The following DACH2 variants were observed in gnomAD, a reference collection of about 807,000 sequenced individuals.
DACH2 encodes the protein dachshund homolog 2.
In DACH2, 17 loss-of-function variants were observed where a neutral mutation model predicts 35.8. That is an observed-to-expected ratio of 0.48 (90% CI 0.33 to 0.71). The LOEUF (loss-of-function observed/expected upper bound fraction) is 0.71. DACH2 is among the 30% of genes least tolerant of loss of function. The pLI, the probability that DACH2 is intolerant of heterozygous loss-of-function variation, is 0.02. For synonymous variants in DACH2, 195 were observed against 177.3 expected (o/e 1.10, Z -0.79); for missense variants, 469 against 472.7 (o/e 0.99, Z 0.07).
At chrX:86,399,194 G>A (rs1275260443) in intron 2 of DACH2, among the ~76,000 whole-genome samples, 3 of 111,500 alleles carry the variant, frequency 2.7e-5, no homozygotes, top group Non-Finnish European at 5.6e-5. Flanking sequence ...TCAGAGACTA[G>A]GATTGCAACC....
intron 6 of DACH2, among the ~76,000 whole-genome samples, chrX:86,722,809 T>G (rs1051664016): frequency 1.8e-5 from 2 of 111,609 alleles, no homozygotes; most frequent in South Asian, 7.5e-4. Context: ...TTCCTTTTAT[T>G]GTTGTGTTGT....
At chrX:86,532,399 T>A (rs1414034747) in intron 3 of DACH2, among the ~76,000 whole-genome samples, 1 of 111,159 alleles carries the variant, frequency 9.0e-6, no homozygotes, top group Non-Finnish European at 1.9e-5. Context: ...GGGAGATGAT[T>A]GGATCATGGG....
At chrX:86,335,961 G>C (rs988576976) in intron 1 of DACH2, among the ~76,000 whole-genome samples, 1 of 111,802 alleles carries the variant, frequency 8.9e-6, no homozygotes, top group African/African-American at 3.2e-5. Context: ...AGCATGAAGG[G>C]CTGTTGAATT....
chrX:86,295,421 A>T (rs4828141), intron 1 of DACH2, among the ~76,000 whole-genome samples: 6 of 111,501 alleles, frequency 5.4e-5, no homozygotes, highest in Non-Finnish European at 9.4e-5. Context: ...AGCTGTTCCT[A>T]TTCGCTCTAA....
At chrX:86,339,569 A>T (rs1465230072) in intron 1 of DACH2, among the ~76,000 whole-genome samples, 2 of 111,704 alleles carry the variant, frequency 1.8e-5, no homozygotes, top group East Asian at 5.6e-4. Context: ...TGTCTTACAG[A>T]TAAGGAACCT....
At chrX:86,708,486 A>G (rs1160488399) in intron 5 of DACH2, among the ~76,000 whole-genome samples, 1 of 111,492 alleles carries the variant, frequency 9.0e-6, no homozygotes, top group Non-Finnish European at 1.9e-5. Context: ...CTTGTATACC[A>G]ACAATGAACA....
intron 3 of DACH2, among the ~76,000 whole-genome samples, chrX:86,650,464 G>T (rs1466026616): frequency 1.8e-5 from 2 of 110,750 alleles, no homozygotes; most frequent in African/African-American, 3.3e-5. Flanking sequence ...ACTAGAAAAG[G>T]GTTCCTTTAG....
At chrX:86,424,902 T>A (rs953676049) in intron 2 of DACH2, among the ~76,000 whole-genome samples, 6 of 111,467 alleles carry the variant, frequency 5.4e-5, no homozygotes, top group African/African-American at 1.9e-4. Context: ...CGAATTTTAT[T>A]AAATGCTTTT....
rs200042636 is a variant in DACH2, at chrX:86,268,490, A to ATTTATTTTATTTTATTTTATTTTAT, written c.489-108296_489-108272dup. ...AAAATTTTTTTCATTCATTTAAAAC[A>ATTTATTTTATTTTATTTTATTTTAT]TTTATTTTATTTTATTTTATTTTAT... On this transcript the variant is annotated intron_variant, in intron 1 of 11. Coordinates refer to ENST00000373125, the MANE Select transcript of DACH2 (RefSeq NM_053281.3). 4.3e-4 allele frequency among the ~76,000 whole-genome samples: 33 copies of ATTTATTTTATTTTATTTTATTTTAT among 77,185 alleles called. 1 individual carries two copies. The highest frequency in any genetic ancestry group is 7.5e-4 in the South Asian group (1 of 1,332). 67.0% of individuals were successfully genotyped at this position (77,185 alleles called of 115,157 possible). A position where few individuals can be genotyped will look rare whatever the true frequency, so the allele number is the denominator to read the frequency against.
Position 86,228,451 on chromosome X carries a change from G to GA in DACH2, c.488+79355dup, listed in dbSNP as rs776077441. ...GACTTCTTTTCCTCTGGGTAAAGAG[G>GA]AAAAAAAAAAAAGAAAAAAGAAAAC... On this transcript the variant is annotated intron_variant, in intron 1 of 11. Transcript: ENST00000373125. 2.5e-3 allele frequency among the ~76,000 whole-genome samples: 234 copies of GA among 93,101 alleles called. 2 individuals are homozygous for GA. In the East Asian group the frequency reaches 0.043, roughly 17 times the overall value. 80.8% of individuals were successfully genotyped at this position (93,101 alleles called of 115,157 possible).
chrX:86,235,485 GATGTTGCTGCTCAGTCATA>G (rs2033039402), intron 1 of DACH2, among the ~76,000 whole-genome samples: 2 of 112,013 alleles, frequency 1.8e-5, no homozygotes, highest in Admixed American at 9.5e-5. Context: ...CATTTGCTGG[GATGTTGCTGCTCAGTCATA>G]ATTAGATGAC....
At chrX:86,687,132 T>C (rs991987010) in intron 4 of DACH2, among the ~76,000 whole-genome samples, 2 of 112,228 alleles carry the variant, frequency 1.8e-5, no homozygotes, top group African/African-American at 6.5e-5. Flanking sequence ...ATAAATTTGT[T>C]CACTATTAAT....
intron 3 of DACH2, among the ~76,000 whole-genome samples, chrX:86,519,745 C>A (rs1429923838): frequency 1.9e-4 from 20 of 106,718 alleles, no homozygotes; most frequent in Non-Finnish European, 5.8e-5. Context: ...AATAACATTC[C>A]CTTCATCATC....
intron 1 of DACH2, among the ~76,000 whole-genome samples, chrX:86,224,083 C>A (rs765200747): frequency 9.0e-6 from 1 of 111,352 alleles, no homozygotes; most frequent in East Asian, 2.8e-4. Flanking sequence ...GGCTATTGAT[C>A]TGGTCTTTGC....
At chrX:86,664,132 G>A (rs1473293579) in intron 4 of DACH2, among the ~76,000 whole-genome samples, 1 of 111,687 alleles carries the variant, frequency 9.0e-6, no homozygotes, top group Non-Finnish European at 1.9e-5. Flanking sequence ...TCTACTACTG[G>A]GAGAAACATC....
At chrX:86,694,972 T>A in intron 4 of DACH2, 49 bp from the exon 5 acceptor site, 1 of 966,851 alleles carries the variant, frequency 1.0e-6, no homozygotes. Context: ...TAAAAAGCCT[T>A]CTTATGAAAG....
At chrX:86,632,869 GA>G (rs1156431869) in intron 3 of DACH2, among the ~76,000 whole-genome samples, 11 of 110,168 alleles carry the variant, frequency 1.0e-4, no homozygotes, top group Non-Finnish European at 2.1e-4. Flanking sequence ...AATTATGATG[GA>G]AATTAAAAAC....
chrX:86,276,690 C>T (rs939202057), intron 1 of DACH2, among the ~76,000 whole-genome samples: 2 of 111,810 alleles, frequency 1.8e-5, no homozygotes, highest in Non-Finnish European at 3.8e-5. Context: ...TTAATCATTT[C>T]GATTTCATTT....
chrX:86,413,523 C>G (rs994286425), intron 2 of DACH2, among the ~76,000 whole-genome samples: 7 of 112,001 alleles, frequency 6.2e-5, no homozygotes, highest in Non-Finnish European at 1.1e-4. Flanking sequence ...CTCCAATATC[C>G]ATTTGTCTTC....
Sources: gnomAD v4.1 joint callset for allele counts (sites outside exome capture counted in the v4.1 genomes callset) on GRCh38, gnomAD v4.1.1 for gene constraint, MANE v1.5 for transcripts, NCBI Gene and HGNC (gene_info 2026-07-23, HGNC 2026-07-21) for gene names.